The following SLC2A2 variants were observed in gnomAD, a reference collection of about 807,000 sequenced individuals.
SLC2A2 encodes solute carrier family 2 member 2, also known as solute carrier family 2, facilitated glucose transporter member 2.
SLC2A2 carries 36 observed loss-of-function variants against 54.5 expected under a neutral mutation model. The observed-to-expected ratio is 0.66, with a 90% CI of 0.51 to 0.87. The LOEUF is 0.87. SLC2A2 is among the 40% of genes least tolerant of loss of function. The pLI, the probability that SLC2A2 is intolerant of heterozygous loss-of-function variation, is 0.00. For synonymous variants in SLC2A2, 223 were observed against 219.1 expected (o/e 1.02, Z -0.16); for missense variants, 543 against 624.3 (o/e 0.87, Z 1.39).
chr3:171,023,520 A>G (rs1182883566), intron 1 of SLC2A2, among the ~76,000 whole-genome samples: 1 of 152,102 alleles, frequency 6.6e-6, no homozygotes, highest in Non-Finnish European at 1.5e-5. Flanking sequence ...CTAAGGGGAA[A>G]TTTCTGAACA....
At chr3:171,010,628 C>A (rs138190153) in intron 3 of SLC2A2, among the ~76,000 whole-genome samples, 10 of 151,982 alleles carry the variant, frequency 6.6e-5, no homozygotes, top group African/African-American at 2.2e-4. Flanking sequence ...GGTTTTTAAT[C>A]TAGATAGGAA....
intron 3 of SLC2A2, 129 bp from the exon 4 acceptor site, chr3:171,010,211 G>A: frequency 4.1e-6 from 4 of 968,080 alleles, no homozygotes; most frequent in Non-Finnish European, 6.3e-6. Context: ...AAAGCTAGTT[G>A]GGGAATCTTG....
intron 4 of SLC2A2, among the ~76,000 whole-genome samples, chr3:171,009,366 C>T (rs937830363): frequency 5.9e-5 from 9 of 152,188 alleles, no homozygotes; most frequent in East Asian, 1.9e-4. Flanking sequence ...GACACCACCA[C>T]TGTAATGCTT....
intron 3 of SLC2A2, among the ~76,000 whole-genome samples, chr3:171,010,735 A>G (rs1291065030): frequency 2.0e-5 from 3 of 152,148 alleles, no homozygotes; most frequent in Non-Finnish European, 4.4e-5. Flanking sequence ...AATTATCTGT[A>G]TTTTAATATT....
Position 170,996,664 on chromosome 3 carries a change from T to C in SLC2A2, c.*1239A>G, listed in dbSNP as rs889380397. ...CATCTGTGTATTTCCAATTTGCCTA[T>C]GTAGGTAAAGGCAGATAGATAGTGT... is the stretch of plus-strand genomic sequence containing the variant. On this transcript the variant is annotated 3_prime_UTR_variant, in exon 11 of 11. Transcript: ENST00000314251. The C allele has an allele frequency of 2.0e-5, 8 of 397,836 alleles. No homozygotes were observed. The highest frequency in any genetic ancestry group is 1.3e-4 in the South Asian group (1 of 7,864). 24.6% of individuals were successfully genotyped at this position (397,836 alleles called of 1,614,324 possible).
chr3:170,997,838 T>A lies in SLC2A2; in HGVS notation c.*65A>T. The stretch of plus-strand genomic sequence containing the variant: ...ATGTGGATATAAAATGCTCAAGGAA[T>A]CATCATTTAAAAACAGACGGTTCCC... On this transcript the variant is annotated 3_prime_UTR_variant, in exon 11 of 11. Coordinates refer to ENST00000314251, the MANE Select transcript of SLC2A2 (RefSeq NM_000340.2). 7.8e-7 allele frequency: 1 copy of A among 1,284,668 alleles called. No individual in the cohort carries two copies. 79.6% of individuals were successfully genotyped at this position (1,284,668 alleles called of 1,614,324 possible). A position where few individuals can be genotyped will look rare whatever the true frequency, so the allele number is the denominator to read the frequency against.
intron 7 of SLC2A2, 38 bp downstream of exon 7, chr3:171,005,247 C>G (rs780949445): frequency 6.4e-7 from 1 of 1,572,034 alleles, no homozygotes; most frequent in South Asian, 1.1e-5. Flanking sequence ...TTTTAATTCA[C>G]TGTGCTCTTA....
chr3:171,024,145 A>G (rs890917310), intron 1 of SLC2A2, among the ~76,000 whole-genome samples: 11 of 152,208 alleles, frequency 7.2e-5, no homozygotes, highest in African/African-American at 2.7e-4. Flanking sequence ...TGGGTATAAA[A>G]CTAGTTAATG....
At chr3:171,017,266 A>T (rs909212581) in intron 2 of SLC2A2, among the ~76,000 whole-genome samples, 1 of 152,192 alleles carries the variant, frequency 6.6e-6, no homozygotes, top group Admixed American at 6.5e-5. Flanking sequence ...AAATTCCAGG[A>T]AACCTGCTAA....
At chr3:171,023,134 G>A (rs1443713705) in intron 1 of SLC2A2, among the ~76,000 whole-genome samples, 1 of 152,096 alleles carries the variant, frequency 6.6e-6, no homozygotes, top group East Asian at 1.9e-4. Flanking sequence ...TTCTTTTTGA[G>A]GGTTGACTGT....
In SLC2A2 at chr3:170,997,577, T is replaced by TA. The variant is rs886058174; in HGVS notation, c.*325dup. The TA allele has an allele frequency of 6.0e-5, 15 of 250,766 alleles. No homozygotes were observed. The highest frequency in any genetic ancestry group is 5.1e-5 in the Admixed American group (1 of 19,574). 15.5% of individuals were successfully genotyped at this position (250,766 alleles called of 1,614,324 possible). ...CATCCTCAGGTTTCTAGTTATGTGT[T>TA]AAAAAAATGATATGTTGAAATCTCT... On this transcript the variant is annotated 3_prime_UTR_variant, in exon 11 of 11. Coordinates refer to ENST00000314251, the MANE Select transcript of SLC2A2 (RefSeq NM_000340.2).
intron 4 of SLC2A2, among the ~76,000 whole-genome samples, chr3:171,009,010 A>G (rs998333769): frequency 6.6e-6 from 1 of 152,110 alleles, no homozygotes; most frequent in Non-Finnish European, 1.5e-5. Flanking sequence ...AAATACTTTT[A>G]TATACAAATC....
At chr3:171,014,373 A>G (rs1466488397) in intron 3 of SLC2A2, 96 bp downstream of exon 3, 2 of 1,369,090 alleles carry the variant, frequency 1.5e-6, no homozygotes, top group Non-Finnish European at 2.1e-6. Context: ...CTCTAAAGCT[A>G]TTCCACAAGA....
rs201893964 is a variant in SLC2A2, at chr3:170,998,205, G to A, written c.1362C>T (p.Phe454=). 1.9e-6 allele frequency: 3 copies of A among 1,613,744 alleles called. No individual in the cohort carries two copies. In the Admixed American group the frequency reaches 5.0e-5, roughly 27 times the overall value. The change falls in exon 10 of 11, where the codon TTC becomes TTT. Residue 454 remains phenylalanine (F), a synonymous_variant. Transcript: ENST00000314251. ...WTCNFIVALC[F]QYIADFCGPY... is the part of the protein sequence containing the mutation. ...TTAGGCTGCTTACCGCAATGTACTG[G>A]AAACACAGAGCTACAATGAAATTGC...
intron 8 of SLC2A2, 112 bp from the exon 9 acceptor site, chr3:170,999,278 G>A (rs1715237330): frequency 1.3e-6 from 1 of 753,450 alleles, no homozygotes; most frequent in African/African-American, 1.7e-5. Flanking sequence ...TAACAGATAA[G>A]AGGCAATTCC....
chr3:170,997,856 C>T lies in SLC2A2; in HGVS notation c.*47G>A, dbSNP rs567487827. On this transcript the variant is annotated 3_prime_UTR_variant, in exon 11 of 11. Transcript: ENST00000314251. ...CAAGGAATCATCATTTAAAAACAGA[C>T]GGTTCCCTTATTGTTTCTGTTCATG... The T allele has an allele frequency of 2.1e-5, 31 of 1,453,680 alleles. No homozygotes were observed. In the East Asian group the frequency reaches 4.3e-4, roughly 20 times the overall value. The allele number at this position is 1,453,680 out of a possible 1,614,324, so 90.0% of individuals were successfully genotyped here. A position where few individuals can be genotyped will look rare whatever the true frequency, so the allele number is the denominator to read the frequency against.
rs140288412 is a variant in SLC2A2, at chr3:171,005,706, A to G, written c.776-234T>C. ...CTATGATCCTCATTATATTAGAAGC[A>G]TAATGCTGGAGGGATCTTTTAGAAA... On this transcript the variant is annotated intron_variant, in intron 6 of 10. Transcript: ENST00000314251. Among the ~76,000 whole-genome samples the G allele has an allele frequency of 2.6e-4, 39 of 152,164 alleles. No homozygotes were observed. The East Asian group carries it at 7.0e-3, about 27-fold the overall frequency.
chr3:171,004,870 A>G (rs559074487), intron 7 of SLC2A2, among the ~76,000 whole-genome samples: 1 of 152,084 alleles, frequency 6.6e-6, no homozygotes, highest in East Asian at 1.9e-4. Context: ...GCACCTGGCT[A>G]TCTGGTATAC....
At chr3:171,002,944 C>T (rs984738482) in intron 7 of SLC2A2, among the ~76,000 whole-genome samples, 6 of 152,000 alleles carry the variant, frequency 3.9e-5, no homozygotes, top group South Asian at 4.2e-4. Flanking sequence ...TAAATTGAAA[C>T]GTTTTGTTAA....
Sources: allele counts gnomAD v4.1 joint callset (sites outside exome capture counted in the v4.1 genomes callset), GRCh38; gene constraint gnomAD v4.1.1; transcripts MANE v1.5; gene names NCBI Gene and HGNC (gene_info 2026-07-23, HGNC 2026-07-21).